The following PRKDC variants were observed in gnomAD, a reference collection of about 807,000 sequenced individuals.
PRKDC encodes the protein DNA-dependent protein kinase catalytic subunit.
In PRKDC, 82 loss-of-function variants were observed where a neutral mutation model predicts 486.9. The ratio of observed to expected loss-of-function variants is 0.17; its 90% CI spans 0.14 to 0.20. The LOEUF (loss-of-function observed/expected upper bound fraction) is 0.20. Ranked by LOEUF, PRKDC falls within the 10% of genes least tolerant of loss-of-function variation. The pLI is 1.00. For synonymous variants in PRKDC, 1,895 were observed against 1,837.0 expected (o/e 1.03, Z -0.81); for missense variants, 4,504 against 5,038.2 (o/e 0.89, Z 3.21).
intron 58 of PRKDC, among the ~76,000 whole-genome samples, chr8:47,835,616 G>A (rs2087999142): frequency 2.8e-5 from 2 of 70,448 alleles, no homozygotes; most frequent in Non-Finnish European, 2.3e-5. Flanking sequence ...GCAGGACTCT[G>A]TCTCAAAAAA....
chr8:47,823,968 C>T lies in PRKDC; in HGVS notation c.8812G>A (p.Val2938Ile), dbSNP rs745654904. The change falls in exon 64 of 86, where the codon GTC becomes ATC. Residue 2938 changes from valine (V) to isoleucine (I), a missense_variant. Coordinates refer to ENST00000314191, the MANE Select transcript of PRKDC (RefSeq NM_006904.7). ...TCACTGGTAAAAATCCCACGGAGGA[C>T]GTCGTATTCTCCAATTGATCTATAC... Reference protein sequence around the residue: ...KLYRSIGEYDVLRGIFTSEIG... With the variant: ...KLYRSIGEYDILRGIFTSEIG... 40 of 1,613,006 alleles carry T rather than the reference C, an allele frequency of 2.5e-5. No homozygotes were observed. Among genetic ancestry groups the T allele is most frequent in the Admixed American group, 5.0e-5 (3 of 59,940 alleles).
intron 27 of PRKDC, among the ~76,000 whole-genome samples, chr8:47,901,119 A>T (rs985084009): frequency 6.9e-6 from 1 of 145,518 alleles, no homozygotes; most frequent in East Asian, 2.2e-4. Flanking sequence ...ACTGCACTCC[A>T]GCCTGAGCAA....
At chr8:47,844,755 A>G (rs1016441992) in intron 54 of PRKDC, among the ~76,000 whole-genome samples, 1 of 152,230 alleles carries the variant, frequency 6.6e-6, no homozygotes, top group Non-Finnish European at 1.5e-5. Context: ...ATACAATTAC[A>G]TAAAAATTAA....
intron 14 of PRKDC, among the ~76,000 whole-genome samples, chr8:47,934,590 C>A (rs987023391): frequency 2.0e-5 from 3 of 152,126 alleles, no homozygotes; most frequent in Non-Finnish European, 1.5e-5. Context: ...TCTTCTGTGA[C>A]TAAAACTGTG....
chr8:47,817,350 G>A, intron 68 of PRKDC, 100 bp downstream of exon 68: 5 of 838,968 alleles, frequency 6.0e-6, no homozygotes, highest in Non-Finnish European at 7.6e-6. Flanking sequence ...GCTGTGCTAG[G>A]CTCAAATCCC....
chr8:47,863,384 T>C lies in PRKDC; in HGVS notation c.5750+15A>G. ...TGATAAATAAAATAGAATCCAAAAT[T>C]AAGTAAAATCTTACTTAATCAATGT... On this transcript the variant is annotated intron_variant, in intron 42 of 85. Coordinates refer to ENST00000314191, the MANE Select transcript of PRKDC (RefSeq NM_006904.7). 1 of 1,572,634 alleles carries C rather than the reference T, an allele frequency of 6.4e-7. No homozygotes were observed. Among genetic ancestry groups the C allele is most frequent in the Non-Finnish European group, 8.7e-7 (1 of 1,153,042 alleles).
Position 47,774,243 on chromosome 8 carries a change from C to A in PRKDC, c.12317G>T (p.Cys4106Phe), listed in dbSNP as rs1361716073. 6.2e-7 allele frequency: 1 copy of A among 1,605,118 alleles called. No homozygotes were observed. Among genetic ancestry groups the A allele is most frequent in the Non-Finnish European group, 8.5e-7 (1 of 1,175,932 alleles). Residue 4106 changes from cysteine to phenylalanine, a missense_variant, in exon 86 of 86, where the codon TGC (cysteine) becomes TTC (phenylalanine). By Grantham distance (205) the Cys-to-Phe change is radical (BLOSUM62 -2). This residue lies in a region of PRKDC where 706 missense variants were observed against 945.0 expected (regional missense o/e 0.75). Transcript: ENST00000314191. ...SGLSEETQVKCLMDQATDPNI... is the reference protein window; with the variant it reads ...SGLSEETQVKFLMDQATDPNI... ...GGGGTCTGTTGCCTGGTCCATCAGGCACTTCACTTGAGTCTCTTCTGAAAG... is the reference window on the plus strand; with the variant it reads ...GGGGTCTGTTGCCTGGTCCATCAGGAACTTCACTTGAGTCTCTTCTGAAAG...
At chr8:47,879,744 A>C in intron 38 of PRKDC, 86 bp from the exon 39 acceptor site, 4 of 1,168,910 alleles carry the variant, frequency 3.4e-6, no homozygotes, top group Non-Finnish European at 4.6e-6. Flanking sequence ...AAGACATTGC[A>C]AATAAAGCAT....
chr8:47,936,600 T>G, intron 11 of PRKDC, 83 bp from the exon 12 acceptor site: 8 of 1,494,692 alleles, frequency 5.4e-6, no homozygotes, highest in Non-Finnish European at 5.5e-6. Context: ...AGCCATGTGA[T>G]TATAAACACA....
At chr8:47,917,126 A>G (rs576803368) in intron 22 of PRKDC, among the ~76,000 whole-genome samples, 19 of 152,220 alleles carry the variant, frequency 1.2e-4, no homozygotes, top group African/African-American at 4.6e-4. Flanking sequence ...ATAGTGGCAC[A>G]TGCCTGTGGT....
At chr8:47,807,635 G>A (rs570907322) in intron 68 of PRKDC, among the ~76,000 whole-genome samples, 1 of 151,380 alleles carries the variant, frequency 6.6e-6, no homozygotes, top group East Asian at 2.0e-4. Context: ...AGCCAGGATG[G>A]TCTCGATCTC....
In PRKDC at chr8:47,939,587, T is replaced by C; in HGVS notation, c.1077A>G (p.Leu359=). The stretch of plus-strand genomic sequence containing the variant: ...GTCCATATCCACGGATAGCAATAGA[T>C]AACTCCTTGTTGTTCGAATCCACAT... ...IRNVDSNNKE[L]SIAIRGYGLF... The change falls in exon 11 of 86, where the codon TTA becomes TTG. Residue 359 remains leucine, a synonymous_variant. Coordinates refer to ENST00000314191, the MANE Select transcript of PRKDC (RefSeq NM_006904.7). The C allele has an allele frequency of 1.2e-6, 2 of 1,613,738 alleles. No individual in the cohort carries two copies. The highest frequency in any genetic ancestry group is 2.2e-5 in the East Asian group (1 of 44,860).
intron 20 of PRKDC, 110 bp downstream of exon 20, chr8:47,927,661 C>T: frequency 7.5e-7 from 1 of 1,331,792 alleles, no homozygotes; most frequent in Admixed American, 3.3e-5. Flanking sequence ...CCCGGGCACG[C>T]CTGTGAGGAA....
chr8:47,901,347 G>T (rs548394073), intron 27 of PRKDC, among the ~76,000 whole-genome samples: 2 of 151,538 alleles, frequency 1.3e-5, no homozygotes, highest in Non-Finnish European at 2.9e-5. Context: ...AGTGGCGGGC[G>T]CCTGTAATCC....
intron 60 of PRKDC, among the ~76,000 whole-genome samples, chr8:47,831,540 C>T (rs915392407): frequency 1.3e-5 from 2 of 148,444 alleles, no homozygotes; most frequent in Non-Finnish European, 3.0e-5. Flanking sequence ...TGCCAGGGCG[C>T]GGGCCTTGAG....
At chr8:47,879,707 A>G (rs769918504) in intron 38 of PRKDC, 49 bp from the exon 39 acceptor site, 2 of 1,391,326 alleles carry the variant, frequency 1.4e-6, no homozygotes, top group Non-Finnish European at 9.5e-7. Flanking sequence ...TGGCTTATAT[A>G]TCCTACAGAA....
chr8:47,851,048 G>A (rs1449724282), intron 52 of PRKDC, among the ~76,000 whole-genome samples: 1 of 152,194 alleles, frequency 6.6e-6, no homozygotes, highest in African/African-American at 2.4e-5. Context: ...GACCTCAAGT[G>A]ATCTGCCTGC....
chr8:47,927,164 A>T, intron 21 of PRKDC, 30 bp downstream of exon 21: 1 of 1,600,452 alleles, frequency 6.2e-7, no homozygotes, highest in Non-Finnish European at 8.6e-7. Context: ...TTTTAATTAC[A>T]ATACACATCA....
At chr8:47,809,135 GA>G (rs2087275778) in intron 68 of PRKDC, among the ~76,000 whole-genome samples, 2 of 144,762 alleles carry the variant, frequency 1.4e-5, no homozygotes, top group East Asian at 4.3e-4. Context: ...GAGGGTATGG[GA>G]GGGAGGGGGA....
Sources: allele counts gnomAD v4.1 joint callset (sites outside exome capture counted in the v4.1 genomes callset), GRCh38; gene constraint gnomAD v4.1.1; regional missense constraint gnomAD v4.1.1; transcripts MANE v1.5; gene names NCBI Gene and HGNC (gene_info 2026-07-23, HGNC 2026-07-21).